The following GABRB1 variants were observed in gnomAD, a reference collection of about 807,000 sequenced individuals.
The protein encoded by GABRB1 is gamma-aminobutyric acid type A receptor subunit beta1, also known as gamma-aminobutyric acid receptor subunit beta-1.
A neutral mutation model predicts 51.6 loss-of-function variants in GABRB1; 17 were observed. The observed-to-expected ratio is 0.33, with a 90% CI of 0.23 to 0.49. The LOEUF (loss-of-function observed/expected upper bound fraction) is 0.49, where lower values mean the gene tolerates loss of function less well. Among genes scored for constraint, GABRB1 ranks in the 20% least tolerant of loss-of-function variants. The probability of loss-of-function intolerance (pLI) is 0.99; values close to 1 mark genes in which losing one functional copy is unlikely to be tolerated. For missense variants in GABRB1, 410 were observed against 600.6 expected (o/e 0.68, Z 3.32); for synonymous variants, 247 against 218.9 (o/e 1.13, Z -1.14).
chr4:47,354,147 G>A (rs768116567), intron 5 of GABRB1, among the ~76,000 whole-genome samples: 1 of 152,142 alleles, frequency 6.6e-6, no homozygotes, highest in Non-Finnish European at 1.5e-5. Flanking sequence ...GCAATTAGGG[G>A]AGAAATACGT....
chr4:47,360,203 C>T (rs1446205435), intron 5 of GABRB1, among the ~76,000 whole-genome samples: 1 of 151,694 alleles, frequency 6.6e-6, no homozygotes, highest in Non-Finnish European at 1.5e-5. Context: ...GCTACGGAGA[C>T]ATCTGTGATA....
intron 4 of GABRB1, among the ~76,000 whole-genome samples, chr4:47,212,726 GA>G (rs1232181344): frequency 2.0e-5 from 3 of 152,062 alleles, no homozygotes; most frequent in African/African-American, 4.8e-5. Flanking sequence ...CTTTTCATAA[GA>G]CTACATTTAA....
chr4:47,055,474 C>T (rs916962547), intron 3 of GABRB1, among the ~76,000 whole-genome samples: 38 of 152,244 alleles, frequency 2.5e-4, no homozygotes, highest in African/African-American at 9.1e-4. Context: ...GAGCGGACAC[C>T]ATTTACACGA....
chr4:47,268,172 C>T (rs905674701), intron 4 of GABRB1, among the ~76,000 whole-genome samples: 8 of 152,078 alleles, frequency 5.3e-5, no homozygotes, highest in Non-Finnish European at 1.2e-4. Flanking sequence ...AAAAATATGA[C>T]CTGATACTTC....
chr4:47,305,197 A>G (rs1724421599), intron 4 of GABRB1, among the ~76,000 whole-genome samples: 1 of 152,126 alleles, frequency 6.6e-6, no homozygotes, highest in Non-Finnish European at 1.5e-5. Context: ...CTAAAATTTA[A>G]CAATTGAGAG....
chr4:47,119,118 ATATC>A (rs1715634523), intron 3 of GABRB1, among the ~76,000 whole-genome samples: 1 of 152,176 alleles, frequency 6.6e-6, no homozygotes. Flanking sequence ...GTATATAAAC[ATATC>A]TATCTATCTA....
At chr4:47,371,654 G>A (rs1051165045) in intron 5 of GABRB1, among the ~76,000 whole-genome samples, 8 of 151,136 alleles carry the variant, frequency 5.3e-5, no homozygotes, top group Admixed American at 1.3e-4. Context: ...ATGGTATCTC[G>A]TTGTGGTTTT....
At chr4:47,390,153 C>T (rs1727934443) in intron 5 of GABRB1, among the ~76,000 whole-genome samples, 1 of 152,192 alleles carries the variant, frequency 6.6e-6, no homozygotes, top group African/African-American at 2.4e-5. Flanking sequence ...ATGCCTATTG[C>T]CAAGCAACTA....
intron 3 of GABRB1, among the ~76,000 whole-genome samples, chr4:47,064,088 A>G (rs1156412820): frequency 6.6e-6 from 1 of 152,168 alleles, no homozygotes; most frequent in Non-Finnish European, 1.5e-5. Flanking sequence ...ATACATGAGC[A>G]TGTGAATTCA....
intron 1 of GABRB1, among the ~76,000 whole-genome samples, chr4:46,999,176 A>G (rs1012615172): frequency 1.3e-5 from 2 of 152,180 alleles, no homozygotes; most frequent in African/African-American, 2.4e-5. Context: ...TAGAGGGGAT[A>G]CACAAAGATG....
At chr4:47,130,228 A>T (rs1246581731) in intron 3 of GABRB1, among the ~76,000 whole-genome samples, 1 of 152,000 alleles carries the variant, frequency 6.6e-6, no homozygotes, top group Non-Finnish European at 1.5e-5. Context: ...CAGGATAAAG[A>T]CCACAAGATT....
At chr4:47,095,746 G>C (rs544957119) in intron 3 of GABRB1, among the ~76,000 whole-genome samples, 2 of 152,340 alleles carry the variant, frequency 1.3e-5, no homozygotes, top group Admixed American at 1.3e-4. Flanking sequence ...TTCAATGGAA[G>C]TGACTATTAT....
At chr4:47,350,538 T>A (rs549317370) in intron 5 of GABRB1, among the ~76,000 whole-genome samples, 6 of 151,914 alleles carry the variant, frequency 3.9e-5, no homozygotes, top group Non-Finnish European at 7.4e-5. Flanking sequence ...TTCATGGAGT[T>A]TCTTTTAAAA....
At chr4:47,195,398 A>AGAT (rs1560580156) in intron 4 of GABRB1, among the ~76,000 whole-genome samples, 1 of 16,180 alleles carries the variant, frequency 6.2e-5, no homozygotes. Flanking sequence ...GATAGATGAT[A>AGAT]GATAGATAGA....
chr4:47,090,700 C>G (rs1323406227), intron 3 of GABRB1, among the ~76,000 whole-genome samples: 1 of 152,124 alleles, frequency 6.6e-6, no homozygotes, highest in Non-Finnish European at 1.5e-5. Flanking sequence ...CGTTAGAGAA[C>G]CTACTACATT....
intron 3 of GABRB1, among the ~76,000 whole-genome samples, chr4:47,063,097 C>T (rs1726911142): frequency 6.6e-6 from 1 of 152,072 alleles, no homozygotes; most frequent in Non-Finnish European, 1.5e-5. Context: ...AGCTCTAAGG[C>T]CCTAAGCAAT....
chr4:47,326,085 C>T (rs902790542), intron 5 of GABRB1, among the ~76,000 whole-genome samples: 1 of 152,122 alleles, frequency 6.6e-6, no homozygotes, highest in African/African-American at 2.4e-5. Flanking sequence ...ATGAAATCGC[C>T]TACGATCCTG....
intron 4 of GABRB1, among the ~76,000 whole-genome samples, chr4:47,190,341 T>G (rs1316053211): frequency 1.3e-5 from 2 of 152,136 alleles, no homozygotes; most frequent in Non-Finnish European, 2.9e-5. Flanking sequence ...CTATCTAAAG[T>G]CATTAAATTG....
chr4:47,030,093 T>C (rs1237414045), upstream of GABRB1, among the ~76,000 whole-genome samples: 1 of 152,196 alleles, frequency 6.6e-6, no homozygotes, highest in Non-Finnish European at 1.5e-5. Context: ...AAATTGGTTA[T>C]ATTTCTTACA....
Sources: allele counts gnomAD v4.1 joint callset (sites outside exome capture counted in the v4.1 genomes callset), GRCh38; gene constraint gnomAD v4.1.1; transcripts MANE v1.5; gene names NCBI Gene and HGNC (gene_info 2026-07-23, HGNC 2026-07-21).